Variants in PACS2 observed in about 807,000 individuals in gnomAD.
PACS2 encodes PACS1-like protein.
PACS2 carries 36 observed loss-of-function variants against 113.0 expected under a neutral mutation model. The ratio of observed to expected loss-of-function variants is 0.32; its 90% CI spans 0.24 to 0.42. The LOEUF (loss-of-function observed/expected upper bound fraction) is 0.42, where lower values mean the gene tolerates loss of function less well. Among genes scored for constraint, PACS2 ranks in the 10% least tolerant of loss-of-function variants. The pLI is 1.00. For missense variants in PACS2, 1,015 were observed against 1,239.5 expected (o/e 0.82, Z 2.72); for synonymous variants, 589 against 536.1 (o/e 1.10, Z -1.36).
chr14:105,393,908 A>G (rs1402233421), intron 24 of PACS2, among the ~76,000 whole-genome samples: 2 of 151,822 alleles, frequency 1.3e-5, no homozygotes, highest in Non-Finnish European at 2.9e-5. Flanking sequence ...AATGGCTTGT[A>G]GTTTAAAAGT....
Position 105,381,697 on chromosome 14 carries a change from G to A in PACS2, c.1269-217G>A, listed in dbSNP as rs944936001. 4.6e-5 allele frequency among the ~76,000 whole-genome samples: 7 copies of A among 152,244 alleles called. No homozygotes were observed. The East Asian group carries it at 1.3e-3, about 29-fold the overall frequency. On this transcript the variant is annotated intron_variant, in intron 12 of 24. Transcript: ENST00000447393. Reference sequence around the variant, plus strand: ...GGCAGAGCTGTGTGGGGTCCCATCGGAGGCACGGCCTCACTTGTACTCAGC... The same window carrying A: ...GGCAGAGCTGTGTGGGGTCCCATCGAAGGCACGGCCTCACTTGTACTCAGC...
chr14:105,344,277 G>T (rs901499490), intron 1 of PACS2, among the ~76,000 whole-genome samples: 40 of 149,424 alleles, frequency 2.7e-4, no homozygotes, highest in African/African-American at 1.0e-3. Context: ...TTTTGTTTTT[G>T]GAAGATTTAA....
rs918493025 is a variant in PACS2 at position 105,395,651 on chromosome 14, A to T, written c.*979A>T. On this transcript the variant is annotated 3_prime_UTR_variant, in exon 25 of 25. Coordinates refer to ENST00000447393, the MANE Select transcript of PACS2 (RefSeq NM_001100913.3). Reference sequence around the variant, plus strand: ...TGCTGCAACGCTGTAGCCAATGAAGATTCCAGCGGGATGGCCTGACCAGCG... The same window carrying T: ...TGCTGCAACGCTGTAGCCAATGAAGTTTCCAGCGGGATGGCCTGACCAGCG... 6.6e-6 allele frequency: 1 copy of T among 152,268 alleles called. No homozygotes were observed. The highest frequency in any genetic ancestry group is 6.5e-5 in the Admixed American group (1 of 15,286). The allele number at this position is 152,268 out of a possible 1,614,324, so 9.4% of individuals were successfully genotyped here. A position where few individuals can be genotyped will look rare whatever the true frequency, so the allele number is the denominator to read the frequency against.
intron 4 of PACS2, among the ~76,000 whole-genome samples, chr14:105,361,831 T>C (rs1357978218): frequency 2.0e-5 from 3 of 151,910 alleles, no homozygotes; most frequent in Non-Finnish European, 4.4e-5. Flanking sequence ...TGCCTGTAAT[T>C]CCAGCTACTC....
At chr14:105,331,154 C>T (rs1364503481) in intron 1 of PACS2, among the ~76,000 whole-genome samples, 3 of 152,146 alleles carry the variant, frequency 2.0e-5, no homozygotes, top group Admixed American at 6.5e-5. Flanking sequence ...GGGGTTTCAC[C>T]GTGTTGGCCA....
intron 22 of PACS2, chr14:105,392,250 A>G: frequency 5.4e-6 from 2 of 372,572 alleles, no homozygotes; most frequent in Non-Finnish European, 9.9e-6. Context: ...CAGGGCTCAC[A>G]CCAGCAGATA....
At position 105,322,313 on chromosome 14, in the gene PACS2, G is replaced by A. The variant is rs587678106; in HGVS notation, c.119+7276G>A. 1.2e-4 allele frequency among the ~76,000 whole-genome samples: 18 copies of A among 151,598 alleles called. No individual in the cohort carries two copies. The East Asian group carries it at 3.5e-3, about 29-fold the overall frequency. ...GGAGTCTTGCTCTGTTGCCCAGGGT[G>A]GAATGCAGTGGCGCAATCTTGGCTC... On this transcript the variant is annotated intron_variant, in intron 1 of 24. Coordinates refer to ENST00000447393, the MANE Select transcript of PACS2 (RefSeq NM_001100913.3).
In PACS2 at chr14:105,339,374, G is replaced by A. The variant is rs587692545; in HGVS notation, c.120-9119G>A. ...ATACAAAAATTAGCCGGGTGTGGTG[G>A]TATGCACCTGTAGTCTTAGCTACTT... On this transcript the variant is annotated intron_variant, in intron 1 of 24. Coordinates refer to ENST00000447393, the MANE Select transcript of PACS2 (RefSeq NM_001100913.3). Among the ~76,000 whole-genome samples the A allele has an allele frequency of 2.8e-4, 42 of 152,204 alleles. No individual in the cohort carries two copies. In the South Asian group the frequency reaches 3.3e-3, roughly 12 times the overall value.
chr14:105,337,464 G>C (rs1251243046), intron 1 of PACS2, among the ~76,000 whole-genome samples: 3 of 152,234 alleles, frequency 2.0e-5, no homozygotes, highest in Admixed American at 6.5e-5. Context: ...CAATAAAAAA[G>C]AGAAATAGAC....
Position 105,317,171 on chromosome 14 carries a change from G to GTGTTCACTGCTGCGTAC in PACS2, c.119+2136_119+2152dup, listed in dbSNP as rs2058699392. 6.6e-6 allele frequency among the ~76,000 whole-genome samples: 1 copy of GTGTTCACTGCTGCGTAC among 152,336 alleles called. No individual in the cohort carries two copies. The highest frequency in any genetic ancestry group is 2.1e-4 in the South Asian group (1 of 4,826). On this transcript the variant is annotated intron_variant, in intron 1 of 24. Transcript: ENST00000447393. The surrounding 1 kb of genome is among the most constrained non-coding windows in gnomAD (Gnocchi z 4.2). ...TGCGTGTGTGCTGATGCCTTTCGGC[G>GTGTTCACTGCTGCGTAC]TGTTCACTGCTGCGTACTATTCACT... is the stretch of plus-strand genomic sequence containing the variant.
At chr14:105,320,715 T>G (rs146406123) in intron 1 of PACS2, among the ~76,000 whole-genome samples, 4 of 152,372 alleles carry the variant, frequency 2.6e-5, no homozygotes, top group Non-Finnish European at 5.9e-5. Context: ...TGTGCTTCCT[T>G]TCTTCTGTAG....
Position 105,391,197 on chromosome 14 carries a change from T to C in PACS2, c.2077-10T>C, listed in dbSNP as rs782477479. ...ACGGCTTTCACCAGCCAGTGCCTGT[T>C]GTTTTCTAGGTTGTGAAGGTTGGAA... On this transcript the variant is annotated splice_polypyrimidine_tract_variant and intron_variant, in intron 20 of 24. Coordinates refer to ENST00000447393, the MANE Select transcript of PACS2 (RefSeq NM_001100913.3). 1.2e-6 allele frequency: 2 copies of C among 1,611,748 alleles called. No homozygotes were observed. The highest frequency in any genetic ancestry group is 3.3e-5 in the Admixed American group (2 of 60,014).
intron 1 of PACS2, among the ~76,000 whole-genome samples, chr14:105,337,149 A>G (rs1555400717): frequency 6.6e-6 from 1 of 152,244 alleles, no homozygotes; most frequent in Non-Finnish European, 1.5e-5. Context: ...ACTTGAGTAT[A>G]TTGTGCTGAG....
intron 2 of PACS2, among the ~76,000 whole-genome samples, chr14:105,350,205 C>A (rs1375499251): frequency 6.6e-6 from 1 of 152,144 alleles, no homozygotes; most frequent in African/African-American, 2.4e-5. Flanking sequence ...GCCATTGCCA[C>A]CAGGCCGTGA....
chr14:105,318,651 A>T (rs933679792), intron 1 of PACS2, among the ~76,000 whole-genome samples: 3 of 145,362 alleles, frequency 2.1e-5, no homozygotes, highest in Non-Finnish European at 4.5e-5. Flanking sequence ...TTATTTATTT[A>T]TTTTTATTTT....
chr14:105,333,674 G>A (rs747443630), intron 1 of PACS2, among the ~76,000 whole-genome samples: 57 of 152,242 alleles, frequency 3.7e-4, no homozygotes, highest in Non-Finnish European at 6.6e-4. Flanking sequence ...CCTTTGCCCC[G>A]TGGGCCATTG....
At position 105,352,422 on chromosome 14, in the gene PACS2, C is replaced by A. The variant is rs375387252; in HGVS notation, c.252C>A (p.Pro84=). The A allele has an allele frequency of 1.4e-5, 22 of 1,613,010 alleles. No homozygotes were observed. In the East Asian group the frequency reaches 3.8e-4, roughly 28 times the overall value. ...GGTCCCATGAGATTGTGCTGCCCCC[C>A]AGTGGACAAGTGGAGACAGACCTGG... ...ILRSHEIVLP[P]SGQVETDLAL... is the part of the protein sequence containing the mutation. The change falls in exon 3 of 25, where the codon CCC becomes CCA. Residue 84 remains proline, a synonymous_variant. Transcript: ENST00000447393.
chr14:105,382,933 G>T lies in PACS2; in HGVS notation c.1625+20G>T. On this transcript the variant is annotated intron_variant, in intron 15 of 24. Transcript: ENST00000447393. ...GAGATAGTGAGTTGGGCTCCACCCT[G>T]TACTCACCACCCAAGTACCCCTCGG... 7.0e-7 allele frequency: 1 copy of T among 1,435,390 alleles called. No individual in the cohort carries two copies. 88.9% of individuals were successfully genotyped at this position (1,435,390 alleles called of 1,614,324 possible).
chr14:105,392,634 C>T lies in PACS2; in HGVS notation c.2271C>T (p.Ala757=), dbSNP rs782788901. The T allele has an allele frequency of 7.5e-6, 12 of 1,608,980 alleles. No homozygotes were observed. Among genetic ancestry groups the T allele is most frequent in the Admixed American group, 5.0e-5 (3 of 59,422 alleles). The change falls in exon 23 of 25, where the codon GCC becomes GCT. Residue 757 remains alanine, a synonymous_variant. Coordinates refer to ENST00000447393, the MANE Select transcript of PACS2 (RefSeq NM_001100913.3). The part of the protein sequence containing the change: ...GLSSPSQGVG[A]ELMGLQVDYW... ...CCTTTCCCAGCCAGGGTGTCGGCGC[C>T]GAGCTGATGGGGCTGCAGGTGGACT...
Sources: allele counts gnomAD v4.1 joint callset (sites outside exome capture counted in the v4.1 genomes callset), GRCh38; gene constraint gnomAD v4.1.1; non-coding constraint Gnocchi (gnomAD v3.1); transcripts MANE v1.5; gene names NCBI Gene and HGNC (gene_info 2026-07-23, HGNC 2026-07-21).